FARSB: variants seen among roughly 807,000 people sequenced by gnomAD.
FARSB encodes the protein phenylalanine--tRNA ligase beta subunit.
Under a neutral mutation model 69.6 loss-of-function variants are expected in FARSB, and 40 were observed. The ratio of observed to expected loss-of-function variants is 0.57; its 90% CI spans 0.45 to 0.75. The LOEUF is 0.75. FARSB is among the 30% of genes least tolerant of loss of function. The probability of loss-of-function intolerance (pLI) is 0.00; values close to 1 mark genes in which losing one functional copy is unlikely to be tolerated. For synonymous variants in FARSB, 235 were observed against 247.2 expected (o/e 0.95, Z 0.46); for missense variants, 632 against 722.9 (o/e 0.87, Z 1.44).
intron 5 of FARSB, among the ~76,000 whole-genome samples, chr2:222,637,093 A>G (rs1158754339): frequency 1.3e-5 from 2 of 152,254 alleles, no homozygotes; most frequent in African/African-American, 4.8e-5. Context: ...TGAAAAGTAA[A>G]ATAACTGAAG....
At chr2:222,647,736 G>A (rs1691907712) in intron 2 of FARSB, among the ~76,000 whole-genome samples, 1 of 152,200 alleles carries the variant, frequency 6.6e-6, no homozygotes, top group Admixed American at 6.5e-5. Context: ...TCGCACTCCA[G>A]CCTGGGCAAC....
At chr2:222,616,574 T>C (rs1192501118) in intron 14 of FARSB, among the ~76,000 whole-genome samples, 2 of 142,240 alleles carry the variant, frequency 1.4e-5, no homozygotes, top group Non-Finnish European at 3.1e-5. Context: ...AAAATGACAA[T>C]TGGGAAAACT....
rs373959782 is a variant in FARSB, at chr2:222,584,087, C to G, written c.1619-12065G>C. ...AGGGTTAAATGGTGGTTAACATAAA[C>G]TTCAATGTTCATCTGATTTTGATGA... On this transcript the variant is annotated intron_variant, in intron 16 of 16. Coordinates refer to ENST00000281828, the MANE Select transcript of FARSB (RefSeq NM_005687.5). Among the ~76,000 whole-genome samples the G allele has an allele frequency of 5.3e-4, 80 of 152,108 alleles. 1 individual carries two copies. The highest frequency in any genetic ancestry group is 1.1e-3 in the African/African-American group (46 of 41,472).
At chr2:222,577,870 G>A (rs973336979) in intron 16 of FARSB, among the ~76,000 whole-genome samples, 6 of 152,120 alleles carry the variant, frequency 3.9e-5, no homozygotes, top group Non-Finnish European at 5.9e-5. Flanking sequence ...GAAAATGCTC[G>A]GGAAACGTTG....
At chr2:222,580,790 C>T (rs973848924) in intron 16 of FARSB, among the ~76,000 whole-genome samples, 2 of 151,964 alleles carry the variant, frequency 1.3e-5, no homozygotes, top group African/African-American at 4.8e-5. Context: ...AACTAAGGGA[C>T]TTTAGGGATT....
intron 1 of FARSB, among the ~76,000 whole-genome samples, chr2:222,651,436 G>T (rs1253928127): frequency 6.6e-6 from 1 of 152,166 alleles, no homozygotes; most frequent in Non-Finnish European, 1.5e-5. Flanking sequence ...TAACTTCTGA[G>T]CAAAGACCAA....
At chr2:222,593,745 C>T (rs186205327) in intron 16 of FARSB, among the ~76,000 whole-genome samples, 77 of 151,868 alleles carry the variant, frequency 5.1e-4, no homozygotes, top group African/African-American at 1.7e-3. Flanking sequence ...GTGGTACGTG[C>T]CTGTAGTCCC....
chr2:222,605,290 GT>G (rs1409067128), intron 15 of FARSB, among the ~76,000 whole-genome samples: 1 of 151,850 alleles, frequency 6.6e-6, no homozygotes, highest in East Asian at 1.9e-4. Flanking sequence ...TTGCTTCTGG[GT>G]ATTTTTGCCA....
In FARSB at chr2:222,623,733, GAAAA is replaced by G. The variant is rs60965257; in HGVS notation, c.1171-7_1171-4del. The stretch of plus-strand genomic sequence containing the variant: ...TCAGTGAGCTTATTAAGAGGAAACT[GAAAA>G]AAAAAGCATCCACTTGATTTCACCG... On this transcript the variant is annotated splice_region_variant and splice_polypyrimidine_tract_variant and intron_variant, in intron 12 of 16. Transcript: ENST00000281828. The G allele has an allele frequency of 6.5e-7, 1 of 1,549,252 alleles. No individual in the cohort carries two copies. Among genetic ancestry groups the G allele is most frequent in the Non-Finnish European group, 8.8e-7 (1 of 1,135,336 alleles).
intron 2 of FARSB, among the ~76,000 whole-genome samples, chr2:222,645,374 C>T (rs1326004884): frequency 2.0e-5 from 3 of 152,158 alleles, no homozygotes; most frequent in Admixed American, 6.5e-5. Flanking sequence ...AACTTATAAA[C>T]TACAGAAATC....
intron 15 of FARSB, among the ~76,000 whole-genome samples, chr2:222,612,717 C>T (rs928083621): frequency 1.3e-5 from 2 of 152,220 alleles, no homozygotes; most frequent in African/African-American, 4.8e-5. Flanking sequence ...TAAGGTATTG[C>T]TCACCAAGGG....
At chr2:222,626,186 T>C (rs1691268755) in intron 10 of FARSB, among the ~76,000 whole-genome samples, 1 of 146,562 alleles carries the variant, frequency 6.8e-6, no homozygotes, top group Non-Finnish European at 1.5e-5. Context: ...GAGGTGGAGG[T>C]TGCAGTGAGC....
intron 16 of FARSB, among the ~76,000 whole-genome samples, chr2:222,591,915 G>A (rs1409482976): frequency 2.0e-5 from 3 of 152,132 alleles, no homozygotes; most frequent in African/African-American, 7.2e-5. Context: ...ATCTAAATGT[G>A]TTCAAAATAA....
chr2:222,607,022 A>G (rs1383574127), intron 15 of FARSB, among the ~76,000 whole-genome samples: 1 of 152,202 alleles, frequency 6.6e-6, no homozygotes, highest in Non-Finnish European at 1.5e-5. Flanking sequence ...ATTCCATCCA[A>G]CAAATTTATC....
chr2:222,597,444 A>T (rs1170254427), intron 16 of FARSB, among the ~76,000 whole-genome samples: 4 of 147,450 alleles, frequency 2.7e-5, no homozygotes, highest in Non-Finnish European at 4.5e-5. Flanking sequence ...TTTCCTAATT[A>T]AAAAAAAAAA....
chr2:222,613,458 T>C (rs1453831771), intron 15 of FARSB, among the ~76,000 whole-genome samples: 1 of 152,184 alleles, frequency 6.6e-6, no homozygotes, highest in Non-Finnish European at 1.5e-5. Context: ...GGCACAAGTA[T>C]CACTTGAACC....
At chr2:222,638,604 A>G (rs952280201) in intron 5 of FARSB, among the ~76,000 whole-genome samples, 4 of 152,180 alleles carry the variant, frequency 2.6e-5, no homozygotes, top group African/African-American at 9.6e-5. Context: ...AAATGTTGCT[A>G]CTACCACATG....
At chr2:222,572,597 A>G (rs1489289340) in intron 16 of FARSB, among the ~76,000 whole-genome samples, 1 of 152,186 alleles carries the variant, frequency 6.6e-6, no homozygotes, top group Non-Finnish European at 1.5e-5. Flanking sequence ...ATGCTACCAG[A>G]AGGCAACCCA....
intron 14 of FARSB, among the ~76,000 whole-genome samples, chr2:222,619,183 G>A (rs1006067354): frequency 6.6e-6 from 1 of 151,232 alleles, no homozygotes; most frequent in African/African-American, 2.4e-5. Context: ...GCATGCACCT[G>A]TAATCCCAAC....
Sources: allele counts gnomAD v4.1 joint callset (sites outside exome capture counted in the v4.1 genomes callset), GRCh38; gene constraint gnomAD v4.1.1; transcripts MANE v1.5; gene names NCBI Gene and HGNC (gene_info 2026-07-23, HGNC 2026-07-21).